LINGO2: variants seen among roughly 807,000 people sequenced by gnomAD.
The protein encoded by LINGO2 is leucine rich repeat and Ig domain containing 2, also known as leucine-rich repeat and immunoglobulin-like domain-containing nogo receptor-interacting protein 2.
In LINGO2, 14 loss-of-function variants were observed where a neutral mutation model predicts 30.6. The ratio of observed to expected loss-of-function variants is 0.46; its 90% CI spans 0.30 to 0.72. LINGO2 has a LOEUF of 0.72. Among genes scored for constraint, LINGO2 ranks in the 30% least tolerant of loss-of-function variants. The pLI is 0.07. For synonymous variants in LINGO2, 317 were observed against 288.5 expected (o/e 1.10, Z -1.00); for missense variants, 729 against 751.7 (o/e 0.97, Z 0.35).
rs146655925 is a variant in LINGO2 at position 28,250,846 on chromosome 9, T to G, written c.-87+44362A>C. Among the ~76,000 whole-genome samples the G allele has an allele frequency of 2.1e-3, 324 of 152,244 alleles. 3 individuals carry two copies. The highest frequency in any genetic ancestry group is 7.5e-3 in the African/African-American group (310 of 41,550). ...GAGGACTAGTGGACAGAGAGGACTTTCACAGCTACCCAGTGATAATGAGGC... is the reference window on the plus strand; with the variant it reads ...GAGGACTAGTGGACAGAGAGGACTTGCACAGCTACCCAGTGATAATGAGGC... On this transcript the variant is annotated intron_variant, in intron 4 of 5. Transcript: ENST00000379992.
the LINGO2 span, among the ~76,000 whole-genome samples, chr9:28,951,680 T>C: frequency 1.7e-4 from 26 of 152,136 alleles, no homozygotes; most frequent in African/African-American, 5.8e-4. Flanking sequence ...AAGTGTGATA[T>C]AGAGATCTAC....
At chr9:28,880,894 C>CT in the LINGO2 span, among the ~76,000 whole-genome samples, 1 of 152,136 alleles carries the variant, frequency 6.6e-6, no homozygotes, top group Non-Finnish European at 1.5e-5. Context: ...ATCTGGCCTA[C>CT]GTGCACATCC....
the LINGO2 span, among the ~76,000 whole-genome samples, chr9:28,699,697 T>C: frequency 6.6e-6 from 1 of 152,006 alleles, no homozygotes; most frequent in Non-Finnish European, 1.5e-5. Context: ...TATTGCTAAA[T>C]TCTTTTCCTA....
chr9:29,160,975 G>A, the LINGO2 span, among the ~76,000 whole-genome samples: 1 of 152,248 alleles, frequency 6.6e-6, no homozygotes, highest in Non-Finnish European at 1.5e-5. Context: ...ACAGGGCTCA[G>A]TTCAGCATGG....
At chr9:29,051,327 C>T in the LINGO2 span, among the ~76,000 whole-genome samples, 2,009 of 152,286 alleles carry the variant, frequency 0.013, 30 homozygotes, top group Non-Finnish European at 0.022. Flanking sequence ...TTGGTAACAA[C>T]TGATCTTTCA....
chr9:29,202,125 A>G, the LINGO2 span, among the ~76,000 whole-genome samples: 1 of 152,010 alleles, frequency 6.6e-6, no homozygotes, highest in Non-Finnish European at 1.5e-5. Flanking sequence ...AATAAGATAT[A>G]ATTTTTGTCT....
chr9:27,956,828 C>T (rs1358372541), intron 5 of LINGO2, among the ~76,000 whole-genome samples: 1 of 152,110 alleles, frequency 6.6e-6, no homozygotes, highest in Non-Finnish European at 1.5e-5. Flanking sequence ...TATGGTGGCT[C>T]ACACGTGTAA....
the LINGO2 span, among the ~76,000 whole-genome samples, chr9:29,159,181 A>C: frequency 0.2 from 31,019 of 152,100 alleles, 3,416 homozygotes; most frequent in East Asian, 0.37. Flanking sequence ...GATGGACTGG[A>C]ACCCTAAGCA....
intron 3 of LINGO2, among the ~76,000 whole-genome samples, chr9:28,362,128 T>C (rs972600001): frequency 5.5e-4 from 84 of 152,366 alleles, no homozygotes; most frequent in Middle Eastern, 6.8e-3. Flanking sequence ...GAAATATGCA[T>C]ATGCAATTTC....
the LINGO2 span, among the ~76,000 whole-genome samples, chr9:28,733,119 T>G: frequency 6.6e-6 from 1 of 152,160 alleles, no homozygotes; most frequent in Non-Finnish European, 1.5e-5. Context: ...ATATTTGTGG[T>G]ATACACATAG....
intron 5 of LINGO2, among the ~76,000 whole-genome samples, chr9:27,995,210 C>G (rs1002555978): frequency 1.3e-5 from 2 of 152,048 alleles, no homozygotes; most frequent in African/African-American, 4.8e-5. Flanking sequence ...TAAATCTGAA[C>G]AGACTAATAA....
chr9:28,819,901 G>A, the LINGO2 span, among the ~76,000 whole-genome samples: 8 of 152,144 alleles, frequency 5.3e-5, no homozygotes, highest in East Asian at 7.7e-4. Flanking sequence ...TGAAGGGGAG[G>A]AGCATACATA....
chr9:28,948,108 T>C, the LINGO2 span, among the ~76,000 whole-genome samples: 1 of 152,094 alleles, frequency 6.6e-6, no homozygotes, highest in Non-Finnish European at 1.5e-5. Flanking sequence ...TTTCAGGTAA[T>C]GCATTTTATT....
the LINGO2 span, among the ~76,000 whole-genome samples, chr9:29,148,215 ATAAT>A: frequency 6.6e-6 from 1 of 152,258 alleles, no homozygotes; most frequent in East Asian, 1.9e-4. Flanking sequence ...CTTTTTAAAA[ATAAT>A]TAATAACACC....
At chr9:28,772,375 T>C in the LINGO2 span, among the ~76,000 whole-genome samples, 1 of 152,206 alleles carries the variant, frequency 6.6e-6, no homozygotes, top group East Asian at 1.9e-4. Flanking sequence ...ATTAGTAACA[T>C]CCTTTTTGAA....
At chr9:28,011,445 A>G (rs999005188) in intron 5 of LINGO2, among the ~76,000 whole-genome samples, 4 of 152,178 alleles carry the variant, frequency 2.6e-5, no homozygotes, top group African/African-American at 9.7e-5. Context: ...ACTTAGGAAC[A>G]TGGAAGAGTA....
intron 4 of LINGO2, among the ~76,000 whole-genome samples, chr9:28,221,202 A>C (rs1424621068): frequency 1.4e-5 from 2 of 145,390 alleles, no homozygotes; most frequent in African/African-American, 5.0e-5. Flanking sequence ...TTGGAGGCTG[A>C]GGCAGGAGAA....
Position 28,045,029 on chromosome 9 carries a change from G to A in LINGO2, c.-86-32624C>T, listed in dbSNP as rs573975769. 1.4e-3 allele frequency among the ~76,000 whole-genome samples: 210 copies of A among 152,092 alleles called. 1 individual carries two copies. The highest frequency in any genetic ancestry group is 3.4e-3 in the Middle Eastern group (1 of 294). Reference sequence around the variant, plus strand: ...AGTGTGCCAGTGGGCCCAGGGGAGCGAGTGTGGGGGCTCTGAGAAAGCCAG... The same window carrying A: ...AGTGTGCCAGTGGGCCCAGGGGAGCAAGTGTGGGGGCTCTGAGAAAGCCAG... On this transcript the variant is annotated intron_variant, in intron 4 of 5. Transcript: ENST00000379992.
chr9:28,458,862 A>T (rs914414671), intron 2 of LINGO2, among the ~76,000 whole-genome samples: 8 of 152,150 alleles, frequency 5.3e-5, no homozygotes, highest in African/African-American at 1.9e-4. Flanking sequence ...TACTCTAAAA[A>T]TTGGAGAATA....
Sources: allele counts gnomAD v4.1 joint callset (sites outside exome capture counted in the v4.1 genomes callset), GRCh38; gene constraint gnomAD v4.1.1; transcripts MANE v1.5; gene names NCBI Gene and HGNC (gene_info 2026-07-23, HGNC 2026-07-21).